The following KIRREL3 variants were observed in gnomAD, a reference collection of about 807,000 sequenced individuals.
KIRREL3 encodes kin of IRRE-like protein 3.
Under a neutral mutation model 89.7 loss-of-function variants are expected in KIRREL3, and 36 were observed. The ratio of observed to expected loss-of-function variants is 0.40; its 90% CI spans 0.31 to 0.53. The LOEUF (loss-of-function observed/expected upper bound fraction) is 0.53. KIRREL3 is among the 20% of genes least tolerant of loss of function. The pLI is 0.49. For synonymous variants in KIRREL3, 445 were observed against 441.4 expected, an observed-to-expected ratio of 1.01 and a Z score of -0.10; for missense variants, 864 against 1,056.6, an observed-to-expected ratio of 0.82 and a Z score of 2.53.
At chr11:126,706,137 TC>T (rs1277620609) in intron 1 of KIRREL3, among the ~76,000 whole-genome samples, 1 of 152,184 alleles carries the variant, frequency 6.6e-6, no homozygotes, top group African/African-American at 2.4e-5. Context: ...GGTGAACCAC[TC>T]AACTGAACAT....
rs565190402 is a variant in KIRREL3, at chr11:126,474,132, A to G, written c.434-666T>C. ...CCTGGTTAATTTTTGTATTTTTAGT[A>G]GAGATGGGGTTTCACCATGTTGGCC... On this transcript the variant is annotated intron_variant, in intron 4 of 16. Transcript: ENST00000525144. The surrounding 1 kb of genome is among the most constrained non-coding windows in gnomAD (Gnocchi z 6.7). Among the ~76,000 whole-genome samples the G allele has an allele frequency of 1.5e-4, 23 of 152,028 alleles. No individual in the cohort carries two copies. The highest frequency in any genetic ancestry group is 5.1e-4 in the African/African-American group (21 of 41,436).
At chr11:126,589,582 T>C (rs2134700479) in intron 1 of KIRREL3, among the ~76,000 whole-genome samples, 1 of 152,364 alleles carries the variant, frequency 6.6e-6, no homozygotes, top group South Asian at 2.1e-4. Flanking sequence ...TCAGAGAGGC[T>C]GAGTCACTGG....
At position 126,996,648 on chromosome 11, in the gene KIRREL3, C is replaced by A. The variant is rs888626849; in HGVS notation, c.55+3807G>T. On this transcript the variant is annotated intron_variant, in intron 1 of 16. Transcript: ENST00000525144. This position sits in a 1 kb window ranked among gnomAD's most constrained non-coding sequence, Gnocchi z 4.7. ...CCCTAGGAGATTCAGATCACCATGA[C>A]CCTCTGCCCTCTGACAGCTGCTGAC... 1.4e-4 allele frequency among the ~76,000 whole-genome samples: 21 copies of A among 152,172 alleles called. No homozygotes were observed. Among genetic ancestry groups the A allele is most frequent in the African/African-American group, 5.1e-4 (21 of 41,436 alleles).
At chr11:126,958,554 C>T (rs1948991266) in intron 1 of KIRREL3, among the ~76,000 whole-genome samples, 1 of 152,226 alleles carries the variant, frequency 6.6e-6, no homozygotes, top group East Asian at 1.9e-4. Flanking sequence ...TCATTCTATC[C>T]AGGGATATGC....
At chr11:126,869,403 G>T (rs1945032131) in intron 1 of KIRREL3, among the ~76,000 whole-genome samples, 1 of 152,082 alleles carries the variant, frequency 6.6e-6, no homozygotes, top group Admixed American at 6.5e-5. Context: ...CCACTCTCCT[G>T]CAGTGTCTCC....
Position 126,519,119 on chromosome 11 carries a change from C to T in KIRREL3, c.433+2196G>A, listed in dbSNP as rs927553098. Among the ~76,000 whole-genome samples, 1 of 152,204 alleles carries T rather than the reference C, an allele frequency of 6.6e-6. No homozygotes were observed. Among genetic ancestry groups the T allele is most frequent in the African/African-American group, 2.4e-5 (1 of 41,452 alleles). On this transcript the variant is annotated intron_variant, in intron 4 of 16. Coordinates refer to ENST00000525144, the MANE Select transcript of KIRREL3 (RefSeq NM_032531.4). The surrounding 1 kb of genome is among the most constrained non-coding windows in gnomAD (Gnocchi z 4.3). ...TCTCCAGACTTGAATAAAACATCTC[C>T]CCCATACAAACCCAGCTCTGTGCCC...
intron 2 of KIRREL3, among the ~76,000 whole-genome samples, chr11:126,547,995 T>G (rs1938950184): frequency 6.6e-6 from 1 of 152,144 alleles, no homozygotes; most frequent in Non-Finnish European, 1.5e-5. Context: ...CACTACCCAC[T>G]TTGTGACGTG....
Position 126,432,297 on chromosome 11 carries a change from C to G in KIRREL3, c.1589-771G>C, listed in dbSNP as rs940265159. On this transcript the variant is annotated intron_variant, in intron 13 of 16. Coordinates refer to ENST00000525144, the MANE Select transcript of KIRREL3 (RefSeq NM_032531.4). This position sits in a 1 kb window ranked among gnomAD's most constrained non-coding sequence, Gnocchi z 6.2. ...CCCCTGCTGAGTCTCTGTGGCCTGT[C>G]TCCTGCCCAAGCCGAGTGGGGGTAG... Among the ~76,000 whole-genome samples, 3 of 152,178 alleles carry G rather than the reference C, an allele frequency of 2.0e-5. No individual in the cohort carries two copies. Among genetic ancestry groups the G allele is most frequent in the Non-Finnish European group, 4.4e-5 (3 of 68,026 alleles).
chr11:126,851,845 A>T (rs893851283), intron 1 of KIRREL3, among the ~76,000 whole-genome samples: 3 of 152,144 alleles, frequency 2.0e-5, no homozygotes, highest in Admixed American at 2.0e-4. Context: ...CAAAGTCTAC[A>T]TGGGCAGATG....
chr11:126,962,490 T>C (rs1793653), intron 1 of KIRREL3, among the ~76,000 whole-genome samples: 139,467 of 152,274 alleles, frequency 0.92, 64,043 homozygotes, highest in African/African-American at 0.98. Context: ...TCTTGTAAGA[T>C]TTTAGTGGAT....
At chr11:126,893,487 A>G (rs192547341) in intron 1 of KIRREL3, among the ~76,000 whole-genome samples, 1 of 152,224 alleles carries the variant, frequency 6.6e-6, no homozygotes. Flanking sequence ...GCTTATCAGC[A>G]TTTACTGGGG....
intron 1 of KIRREL3, among the ~76,000 whole-genome samples, chr11:126,759,931 T>C (rs1051013434): frequency 6.6e-5 from 10 of 152,124 alleles, no homozygotes; most frequent in Admixed American, 1.3e-4. Context: ...CAAGCCTGAG[T>C]ACCTAGGCTT....
intron 13 of KIRREL3, among the ~76,000 whole-genome samples, chr11:126,433,169 G>A (rs769243640): frequency 4.6e-5 from 7 of 152,212 alleles, no homozygotes; most frequent in Non-Finnish European, 1.0e-4. Flanking sequence ...GTGAGCCATC[G>A]TTCCCGATCA....
At chr11:126,600,316 G>T (rs1367519819) in intron 1 of KIRREL3, among the ~76,000 whole-genome samples, 2 of 152,210 alleles carry the variant, frequency 1.3e-5, no homozygotes, top group South Asian at 2.1e-4. Flanking sequence ...CATCTTGATT[G>T]CAGCCTTGGG....
chr11:126,852,711 C>T (rs1944383548), intron 1 of KIRREL3, among the ~76,000 whole-genome samples: 1 of 152,176 alleles, frequency 6.6e-6, no homozygotes, highest in Non-Finnish European at 1.5e-5. Context: ...ATGTGTTGTG[C>T]TTTTATCACA....
In KIRREL3 at chr11:126,711,108, A is replaced by G. The variant is rs531688894; in HGVS notation, c.56-148196T>C. On this transcript the variant is annotated intron_variant, in intron 1 of 16. Transcript: ENST00000525144. Reference sequence around the variant, plus strand: ...AACACTCTGAGAATTCAGGTTACCAACAGTGACTGCAGGAGAATCTAAAGT... The same window carrying G: ...AACACTCTGAGAATTCAGGTTACCAGCAGTGACTGCAGGAGAATCTAAAGT... Among the ~76,000 whole-genome samples the G allele has an allele frequency of 1.1e-3, 161 of 152,324 alleles. 2 individuals are homozygous for G. The South Asian group carries it at 0.024, about 23-fold the overall frequency.
chr11:126,706,987 C>T (rs890464603), intron 1 of KIRREL3, among the ~76,000 whole-genome samples: 1 of 150,668 alleles, frequency 6.6e-6, no homozygotes, highest in African/African-American at 2.4e-5. Context: ...ACATACATCA[C>T]ACATTTTAAG....
chr11:126,951,066 G>C lies in KIRREL3; in HGVS notation c.55+49389C>G, dbSNP rs570362269. 1.3e-4 allele frequency among the ~76,000 whole-genome samples: 20 copies of C among 152,316 alleles called. No homozygotes were observed. In the South Asian group the frequency reaches 4.1e-3, roughly 32 times the overall value. On this transcript the variant is annotated intron_variant, in intron 1 of 16. Coordinates refer to ENST00000525144, the MANE Select transcript of KIRREL3 (RefSeq NM_032531.4). ...TTCTTAACCCAATCACATCTTCCAA[G>C]CCCCTTTGCAATGTATCGTCAGATA...
chr11:126,577,164 C>T (rs997588975), intron 1 of KIRREL3, among the ~76,000 whole-genome samples: 2 of 152,094 alleles, frequency 1.3e-5, no homozygotes, highest in Non-Finnish European at 2.9e-5. Context: ...CCTATCGACC[C>T]GGTGTGTGGC....
Sources: gnomAD v4.1 joint callset for allele counts (sites outside exome capture counted in the v4.1 genomes callset) on GRCh38, gnomAD v4.1.1 for gene constraint, Gnocchi (gnomAD v3.1) non-coding constraint, MANE v1.5 for transcripts, NCBI Gene and HGNC (gene_info 2026-07-23, HGNC 2026-07-21) for gene names.